The following HCRTR2 variants were observed in gnomAD, a reference collection of about 807,000 sequenced individuals.
The protein encoded by HCRTR2 is hypocretin receptor 2.
Under a neutral mutation model 49.0 loss-of-function variants are expected in HCRTR2, and 22 were observed. The ratio of observed to expected loss-of-function variants is 0.45; its 90% confidence interval spans 0.32 to 0.64. The LOEUF (loss-of-function observed/expected upper bound fraction) is 0.64. Ranked by LOEUF, HCRTR2 falls within the 30% of genes least tolerant of loss-of-function variation. HCRTR2 has a pLI of 0.04. For missense variants in HCRTR2, 491 were observed against 559.4 expected, an observed-to-expected ratio of 0.88 and a Z score of 1.23; for synonymous variants, 236 against 205.3, an observed-to-expected ratio of 1.15 and a Z score of -1.28.
intron 1 of HCRTR2, among the ~76,000 whole-genome samples, chr6:55,113,398 T>C (rs114620926): frequency 2.5e-3 from 384 of 152,020 alleles, no homozygotes; most frequent in Non-Finnish European, 4.4e-3. Flanking sequence ...ATGAGGAATA[T>C]CCAGAATCTA....
intron 1 of HCRTR2, among the ~76,000 whole-genome samples, chr6:55,177,017 C>T (rs1021347117): frequency 6.6e-6 from 1 of 152,086 alleles, no homozygotes; most frequent in Non-Finnish European, 1.5e-5. Flanking sequence ...CTTGCATAGA[C>T]CTTGTAGTGA....
At chr6:55,186,995 CTTTA>C (rs932210312) in intron 1 of HCRTR2, among the ~76,000 whole-genome samples, 1 of 152,008 alleles carries the variant, frequency 6.6e-6, no homozygotes, top group African/African-American at 2.4e-5. Context: ...GTTCTAGACA[CTTTA>C]TTTAATAGAG....
chr6:55,260,995 C>T (rs1211671080), intron 3 of HCRTR2, among the ~76,000 whole-genome samples: 6 of 151,958 alleles, frequency 3.9e-5, no homozygotes, highest in Non-Finnish European at 7.4e-5. Context: ...TGGGATAAAC[C>T]CCCTTGTCAA....
At chr6:55,153,073 C>T (rs1354221814) in intron 1 of HCRTR2, among the ~76,000 whole-genome samples, 1 of 151,882 alleles carries the variant, frequency 6.6e-6, no homozygotes, top group Non-Finnish European at 1.5e-5. Context: ...ATGTGTGGTG[C>T]AACGTAAGCA....
rs372869853 is a variant in HCRTR2 at position 55,241,962 on chromosome 6, G to A, written c.224-6677G>A. Among the ~76,000 whole-genome samples, 950 of 146,790 alleles carry A rather than the reference G, an allele frequency of 6.5e-3. 9 individuals carry two copies. The highest frequency in any genetic ancestry group is 0.023 in the African/African-American group (908 of 39,468). Reference sequence around the variant, plus strand: ...CGGCTCACTGCAGCCTCCACCTCCCGGGTTCAAGCGATTCTCCTGCCTCAG... The same window carrying A: ...CGGCTCACTGCAGCCTCCACCTCCCAGGTTCAAGCGATTCTCCTGCCTCAG... On this transcript the variant is annotated intron_variant, in intron 1 of 6. Transcript: ENST00000370862.
At chr6:55,218,593 A>T (rs544488096) in intron 1 of HCRTR2, among the ~76,000 whole-genome samples, 1 of 152,210 alleles carries the variant, frequency 6.6e-6, no homozygotes, top group Non-Finnish European at 1.5e-5. Flanking sequence ...TGGTAACCAG[A>T]TGAGAGCAGG....
chr6:55,207,013 G>T (rs948827454), intron 1 of HCRTR2, among the ~76,000 whole-genome samples: 3 of 151,924 alleles, frequency 2.0e-5, no homozygotes, highest in African/African-American at 7.2e-5. Context: ...AATTTTCCAG[G>T]CATTGGTTTG....
At chr6:55,182,803 G>A (rs1765154997) in intron 1 of HCRTR2, among the ~76,000 whole-genome samples, 1 of 152,170 alleles carries the variant, frequency 6.6e-6, no homozygotes, top group Admixed American at 6.5e-5. Context: ...ATTAACACTT[G>A]TCAGTCATGG....
chr6:55,110,532 A>G (rs188613134), intron 1 of HCRTR2, among the ~76,000 whole-genome samples: 1 of 152,246 alleles, frequency 6.6e-6, no homozygotes, highest in Non-Finnish European at 1.5e-5. Context: ...GAGTAGAAAA[A>G]GATATTCCAT....
rs939337680 is a variant in HCRTR2 at position 55,217,104 on chromosome 6, G to C, written c.224-31535G>C. Among the ~76,000 whole-genome samples the C allele has an allele frequency of 2.0e-5, 3 of 152,156 alleles. No homozygotes were observed. In the East Asian group the frequency reaches 5.8e-4, roughly 29 times the overall value. Reference sequence around the variant, plus strand: ...GATGCGCTCACATGAAGGGAGCAGAGGAGTCCTGAGCAGCCCTGGGCAGCA... The same window carrying C: ...GATGCGCTCACATGAAGGGAGCAGACGAGTCCTGAGCAGCCCTGGGCAGCA... On this transcript the variant is annotated intron_variant, in intron 1 of 6. Coordinates refer to ENST00000370862, the MANE Select transcript of HCRTR2 (RefSeq NM_001384272.1).
chr6:55,138,742 A>G (rs900579392), intron 1 of HCRTR2, among the ~76,000 whole-genome samples: 5 of 152,226 alleles, frequency 3.3e-5, no homozygotes, highest in Non-Finnish European at 5.9e-5. Flanking sequence ...TCTCCGGCAC[A>G]CTTATTCAAA....
At chr6:55,155,369 C>T (rs573098762) in intron 1 of HCRTR2, among the ~76,000 whole-genome samples, 3 of 151,888 alleles carry the variant, frequency 2.0e-5, no homozygotes, top group Non-Finnish European at 4.4e-5. Flanking sequence ...TACCAAATAA[C>T]AAACCCACTT....
chr6:55,122,207 G>T (rs567193835), intron 1 of HCRTR2, among the ~76,000 whole-genome samples: 8 of 151,980 alleles, frequency 5.3e-5, no homozygotes, highest in African/African-American at 1.7e-4. Flanking sequence ...TGTATGTGTC[G>T]AGGAATTTAT....
intron 2 of HCRTR2, among the ~76,000 whole-genome samples, chr6:55,251,042 C>CAATGAACAG (rs1766540446): frequency 6.6e-6 from 1 of 152,122 alleles, no homozygotes; most frequent in South Asian, 2.1e-4. Context: ...TTCCCAAATG[C>CAATGAACAG]AATGAACAGT....
intron 5 of HCRTR2, among the ~76,000 whole-genome samples, chr6:55,279,520 AAC>A (rs34736199): frequency 0.17 from 24,409 of 142,578 alleles, 2,031 homozygotes; most frequent in East Asian, 0.21. Context: ...TTCTTGCTGT[AAC>A]ACACACACAC....
In HCRTR2 at chr6:55,248,712, T is replaced by G. The variant is rs1219582845; in HGVS notation, c.297T>G (p.Ala99=). ...ACTTCATAGTCAATCTTTCTCTGGC[T>G]GATGTGCTCGTGACCATCACCTGCC... ...TNYFIVNLSL[A]DVLVTITCLP... Residue 99 remains alanine (A), a synonymous_variant, in exon 2 of 7, where the codon GCT becomes GCG. Coordinates refer to ENST00000370862, the MANE Select transcript of HCRTR2 (RefSeq NM_001384272.1). 2 of 1,613,540 alleles carry G rather than the reference T, an allele frequency of 1.2e-6. No homozygotes were observed. Among genetic ancestry groups the G allele is most frequent in the South Asian group, 2.2e-5 (2 of 91,078 alleles).
chr6:55,264,407 C>G (rs1275061121), intron 4 of HCRTR2, among the ~76,000 whole-genome samples: 1 of 152,046 alleles, frequency 6.6e-6, no homozygotes, highest in East Asian at 1.9e-4. Flanking sequence ...TGTTTGTATT[C>G]ATTCACTCAG....
At chr6:55,164,643 A>G (rs1388698019) in intron 1 of HCRTR2, among the ~76,000 whole-genome samples, 1 of 152,158 alleles carries the variant, frequency 6.6e-6, no homozygotes, top group Non-Finnish European at 1.5e-5. Context: ...GGGCTAGGGG[A>G]GGGATAACAT....
intron 1 of HCRTR2, among the ~76,000 whole-genome samples, chr6:55,140,845 A>G (rs928225431): frequency 4.6e-5 from 7 of 152,186 alleles, no homozygotes; most frequent in Admixed American, 3.3e-4. Context: ...GTATACCTAC[A>G]AGTAATTTAA....
Sources: gnomAD v4.1 joint callset for allele counts (sites outside exome capture counted in the v4.1 genomes callset) on GRCh38, gnomAD v4.1.1 for gene constraint, MANE v1.5 for transcripts, NCBI Gene and HGNC (gene_info 2026-07-23, HGNC 2026-07-21) for gene names.